The following TENT2 variants were observed in gnomAD, a reference collection of about 807,000 sequenced individuals.
TENT2 encodes poly(A) RNA polymerase GLD2.
Under a neutral mutation model 72.2 loss-of-function variants are expected in TENT2, and 44 were observed. The ratio of observed to expected loss-of-function variants is 0.61; its 90% CI spans 0.48 to 0.78. The LOEUF (loss-of-function observed/expected upper bound fraction) is 0.78, where lower values mean the gene tolerates loss of function less well. Among genes scored for constraint, TENT2 ranks in the 30% least tolerant of loss-of-function variants. The pLI, the probability that TENT2 is intolerant of heterozygous loss-of-function variation, is 0.00. For missense variants in TENT2, 541 were observed against 569.6 expected, an observed-to-expected ratio of 0.95 and a Z score of 0.51; for synonymous variants, 212 against 192.5, an observed-to-expected ratio of 1.10 and a Z score of -0.84.
intron 11 of TENT2, among the ~76,000 whole-genome samples, chr5:79,660,040 T>G (rs541946835): frequency 1.3e-5 from 2 of 152,268 alleles, no homozygotes; most frequent in African/African-American, 4.8e-5. Context: ...GGTTTATTTT[T>G]AAAATAAGAG....
At chr5:79,670,281 C>T (rs1227049284) in intron 12 of TENT2, among the ~76,000 whole-genome samples, 1 of 151,334 alleles carries the variant, frequency 6.6e-6, no homozygotes. Flanking sequence ...ACTTAACTGT[C>T]ATACTGGAGA....
At chr5:79,626,997 G>A (rs1163333098) in intron 4 of TENT2, among the ~76,000 whole-genome samples, 2 of 151,942 alleles carry the variant, frequency 1.3e-5, no homozygotes, top group African/African-American at 2.4e-5. Context: ...GGGCGTGGTG[G>A]CAGGCGCCTA....
chr5:79,659,556 G>GTATGTATATATA (rs1800820651), intron 11 of TENT2, among the ~76,000 whole-genome samples: 1 of 34,270 alleles, frequency 2.9e-5, no homozygotes, highest in Non-Finnish European at 4.7e-5. Context: ...AAAAAAAAAT[G>GTATGTATATATA]TATATATATA....
At chr5:79,660,026 A>G (rs1186236143) in intron 11 of TENT2, among the ~76,000 whole-genome samples, 1 of 152,166 alleles carries the variant, frequency 6.6e-6, no homozygotes, top group Non-Finnish European at 1.5e-5. Context: ...CTAATACAAA[A>G]TAGGGTTTAT....
At chr5:79,633,739 T>TC (rs1381799855) in intron 4 of TENT2, among the ~76,000 whole-genome samples, 1 of 150,336 alleles carries the variant, frequency 6.7e-6, no homozygotes, top group East Asian at 1.9e-4. Context: ...TTTTTTTTTT[T>TC]CCACTTTCTT....
At position 79,621,042 on chromosome 5, in the gene TENT2, A is replaced by G. The variant is rs1764349604; in HGVS notation, c.227+959A>G. ...AGATACCACTATTACTTAAAAACCT[A>G]TATAAACATTCTATAACCTTTATGT... On this transcript the variant is annotated intron_variant, in intron 3 of 14. Coordinates refer to ENST00000453514, the MANE Select transcript of TENT2 (RefSeq NM_001114394.3). 2.0e-5 allele frequency among the ~76,000 whole-genome samples: 3 copies of G among 152,288 alleles called. No individual in the cohort carries two copies. In the South Asian group the frequency reaches 6.2e-4, roughly 32 times the overall value.
chr5:79,640,298 T>G (rs1454437622), intron 4 of TENT2, among the ~76,000 whole-genome samples: 4 of 148,762 alleles, frequency 2.7e-5, no homozygotes, highest in African/African-American at 9.9e-5. Flanking sequence ...CAACATGAAG[T>G]TAGGGTTTAG....
chr5:79,640,363 G>C (rs1783496776), intron 4 of TENT2, among the ~76,000 whole-genome samples: 1 of 152,088 alleles, frequency 6.6e-6, no homozygotes. Context: ...GGAAGACCGG[G>C]GACTGGTGAC....
intron 1 of TENT2, chr5:79,614,223 C>T (rs1757652961): frequency 6.6e-6 from 1 of 151,426 alleles, no homozygotes; most frequent in Non-Finnish European, 1.5e-5. Context: ...CTGCCTCAGC[C>T]TGCCGAGTAG....
chr5:79,684,993 G>A (rs777527517), intron 14 of TENT2, among the ~76,000 whole-genome samples: 7 of 152,178 alleles, frequency 4.6e-5, no homozygotes, highest in Admixed American at 4.6e-4. Flanking sequence ...GGAAAGCGGA[G>A]GTTGTAGTGA....
At chr5:79,620,118 T>C in intron 3 of TENT2, 35 bp downstream of exon 3, 1 of 1,433,086 alleles carries the variant, frequency 7.0e-7, no homozygotes, top group Non-Finnish European at 9.7e-7. Flanking sequence ...AAGAATATTT[T>C]TGCATTTCTG....
rs140331459 is a variant in TENT2, at chr5:79,674,655, A to G, written c.1209-4924A>G. 6.4e-3 allele frequency among the ~76,000 whole-genome samples: 971 copies of G among 152,130 alleles called. 8 individuals are homozygous for G. The highest frequency in any genetic ancestry group is 9.2e-3 in the Non-Finnish European group (627 of 67,986). On this transcript the variant is annotated intron_variant, in intron 12 of 14. Coordinates refer to ENST00000453514, the MANE Select transcript of TENT2 (RefSeq NM_001114394.3). ...GTTACTAAGTGGTTCAGTTCAAAAT[A>G]CACACACACACAAATGTGGCAAAAT...
rs1485018352 is a variant in TENT2, at chr5:79,685,322, T to C, written c.*49T>C. On this transcript the variant is annotated 3_prime_UTR_variant, in exon 15 of 15. Coordinates refer to ENST00000453514, the MANE Select transcript of TENT2 (RefSeq NM_001114394.3). ...TCTTCCAAGAAATAAAGAACAATAGTTTCATCATAATACATTATGTTTACC... is the reference window on the plus strand; with the variant it reads ...TCTTCCAAGAAATAAAGAACAATAGCTTCATCATAATACATTATGTTTACC... The C allele has an allele frequency of 7.4e-7, 1 of 1,358,002 alleles. No individual in the cohort carries two copies. The highest frequency in any genetic ancestry group is 1.5e-5 in the African/African-American group (1 of 67,536). 84.1% of individuals were successfully genotyped at this position (1,358,002 alleles called of 1,614,324 possible).
rs1395196339 is a variant in TENT2 at position 79,659,554 on chromosome 5, ATGTATATATAT to A, written c.1071+2554_1071+2564del. On this transcript the variant is annotated intron_variant, in intron 11 of 14. Transcript: ENST00000453514. ...CTCAAAAAAAAAAAAAAAAAAAAAAATGTATATATATATATATATATATATATATATATATA... is the reference window on the plus strand; with the variant it reads ...CTCAAAAAAAAAAAAAAAAAAAAAAAATATATATATATATATATATATATA... Among the ~76,000 whole-genome samples, 38 of 47,284 alleles carry A rather than the reference ATGTATATATAT, an allele frequency of 8.0e-4. 3 individuals are homozygous for A. Among genetic ancestry groups the A allele is most frequent in the Admixed American group, 1.1e-3 (4 of 3,546 alleles). 31.0% of individuals were successfully genotyped at this position (47,284 alleles called of 152,430 possible). A position where few individuals can be genotyped will look rare whatever the true frequency, so the allele number is the denominator to read the frequency against.
intron 12 of TENT2, among the ~76,000 whole-genome samples, chr5:79,678,460 A>G (rs1000036941): frequency 6.6e-6 from 1 of 151,950 alleles, no homozygotes; most frequent in Admixed American, 6.6e-5. Flanking sequence ...CCTCAAATTT[A>G]TTTTTCTCTC....
chr5:79,626,587 G>A (rs544232850), intron 4 of TENT2, among the ~76,000 whole-genome samples: 6 of 151,026 alleles, frequency 4.0e-5, no homozygotes, highest in Non-Finnish European at 7.4e-5. Context: ...AATTACAGGC[G>A]TGAACCCCCG....
At chr5:79,664,066 G>GT (rs1805254348) in intron 11 of TENT2, among the ~76,000 whole-genome samples, 2 of 152,146 alleles carry the variant, frequency 1.3e-5, no homozygotes, top group South Asian at 4.1e-4. Flanking sequence ...ATTAGGTATT[G>GT]TAAGTAATCT....
At chr5:79,669,092 A>G in intron 12 of TENT2, 64 bp downstream of exon 12, 12 of 1,525,478 alleles carry the variant, frequency 7.9e-6, no homozygotes, top group Middle Eastern at 3.7e-4. Context: ...GTATGTATAT[A>G]TATGAATACG....
rs1052022417 is a variant in TENT2 at position 79,612,667 on chromosome 5, T to G, written c.-446T>G. The G allele has an allele frequency of 6.5e-6, 1 of 152,712 alleles. No individual in the cohort carries two copies. Among genetic ancestry groups the G allele is most frequent in the Non-Finnish European group, 1.5e-5 (1 of 68,168 alleles). 9.5% of individuals were successfully genotyped at this position (152,712 alleles called of 1,614,324 possible). A position where few individuals can be genotyped will look rare whatever the true frequency, so the allele number is the denominator to read the frequency against. On this transcript the variant is annotated 5_prime_UTR_variant, in exon 1 of 15. Coordinates refer to ENST00000453514, the MANE Select transcript of TENT2 (RefSeq NM_001114394.3). ...TCCCACGGGCCACCACTACCTCCTTTGGTTCGGGAGAAAGCTACGACCAAG... is the reference window on the plus strand; with the variant it reads ...TCCCACGGGCCACCACTACCTCCTTGGGTTCGGGAGAAAGCTACGACCAAG...
Sources: gnomAD v4.1 joint callset for allele counts (sites outside exome capture counted in the v4.1 genomes callset) on GRCh38, gnomAD v4.1.1 for gene constraint, MANE v1.5 for transcripts, NCBI Gene and HGNC (gene_info 2026-07-23, HGNC 2026-07-21) for gene names.